The following TBC1D32 variants were observed in gnomAD, a reference collection of about 807,000 sequenced individuals.
TBC1D32 encodes the protein TBC1 domain family member 32, also known as protein broad-minded.
TBC1D32 carries 151 observed loss-of-function variants against 170.3 expected under a neutral mutation model. That is an observed-to-expected ratio of 0.89 (90% CI 0.78 to 1.01). The LOEUF (loss-of-function observed/expected upper bound fraction) is 1.01. Among genes scored for constraint, TBC1D32 ranks in the 50% least tolerant of loss-of-function variants. TBC1D32 has a pLI of 0.00. For synonymous variants in TBC1D32, 498 were observed against 488.0 expected (o/e 1.02, Z -0.27); for missense variants, 1,464 against 1,457.1 (o/e 1.00, Z -0.08).
At chr6:121,264,396 C>T (rs1046394466) in intron 15 of TBC1D32, among the ~76,000 whole-genome samples, 5 of 152,084 alleles carry the variant, frequency 3.3e-5, no homozygotes, top group Admixed American at 6.5e-5. Flanking sequence ...AGACCAATAA[C>T]AAGCTCTGAA....
intron 12 of TBC1D32, among the ~76,000 whole-genome samples, chr6:121,287,329 C>CA (rs1198041852): frequency 6.6e-6 from 1 of 151,282 alleles, no homozygotes; most frequent in Admixed American, 6.6e-5. Flanking sequence ...AAATGGAAAA[C>CA]AAAAAAAGGC....
At chr6:121,094,229 G>A (rs1777141184) in intron 30 of TBC1D32, among the ~76,000 whole-genome samples, 1 of 151,592 alleles carries the variant, frequency 6.6e-6, no homozygotes, top group Admixed American at 6.6e-5. Context: ...GTGCAGTGGT[G>A]CAATCTCAGC....
At chr6:121,107,722 T>C (rs12179300) in intron 29 of TBC1D32, among the ~76,000 whole-genome samples, 1,521 of 152,078 alleles carry the variant, frequency 0.01, 28 homozygotes, top group African/African-American at 0.035. Context: ...TTTTAGTTTT[T>C]CCATGCAAAC....
chr6:121,321,397 G>A lies in TBC1D32; in HGVS notation c.317+236C>T, dbSNP rs149926836. Among the ~76,000 whole-genome samples the A allele has an allele frequency of 3.2e-3, 486 of 152,264 alleles. 1 individual carries two copies. The highest frequency in any genetic ancestry group is 0.031 in the Middle Eastern group (9 of 294). ...GATAAGAAATGGGGTAGGAGAGGGAGCAAAAGGCCCATGGTAGGCCTCGTT... is the reference window on the plus strand; with the variant it reads ...GATAAGAAATGGGGTAGGAGAGGGAACAAAAGGCCCATGGTAGGCCTCGTT... On this transcript the variant is annotated intron_variant, in intron 2 of 31. Coordinates refer to ENST00000398212, the MANE Select transcript of TBC1D32 (RefSeq NM_152730.6).
chr6:121,254,362 G>T (rs1209923075), intron 17 of TBC1D32, among the ~76,000 whole-genome samples: 2 of 152,012 alleles, frequency 1.3e-5, no homozygotes, highest in African/African-American at 4.8e-5. Flanking sequence ...GTAACCAAAA[G>T]CACCTGTACC....
chr6:121,334,161 A>G (rs1288097321), intron 1 of TBC1D32, 115 bp downstream of exon 1: 1 of 795,264 alleles, frequency 1.3e-6, no homozygotes, highest in Non-Finnish European at 1.9e-6. Flanking sequence ...GAAAAAGTAA[A>G]CCTCCAAGTT....
At chr6:121,217,322 T>C (rs1478558794) in intron 21 of TBC1D32, among the ~76,000 whole-genome samples, 4 of 152,252 alleles carry the variant, frequency 2.6e-5, no homozygotes, top group African/African-American at 9.6e-5. Flanking sequence ...TTTTCTGTCC[T>C]ACCTCAGAAG....
intron 21 of TBC1D32, among the ~76,000 whole-genome samples, chr6:121,206,755 A>C (rs1245601554): frequency 6.6e-6 from 1 of 152,198 alleles, no homozygotes; most frequent in Non-Finnish European, 1.5e-5. Flanking sequence ...ATGAATAAAA[A>C]GACTATTATT....
At chr6:121,123,855 G>T (rs114125486) in intron 26 of TBC1D32, among the ~76,000 whole-genome samples, 228 of 149,370 alleles carry the variant, frequency 1.5e-3, no homozygotes, top group African/African-American at 5.4e-3. Context: ...ATTTTTTTTG[G>T]GTATCTATTA....
chr6:121,093,992 T>C (rs148833816), intron 30 of TBC1D32, among the ~76,000 whole-genome samples: 62 of 152,224 alleles, frequency 4.1e-4, no homozygotes, highest in African/African-American at 1.4e-3. Flanking sequence ...AAGTTTACAA[T>C]TAAAGGGGAG....
At chr6:121,319,089 A>G (rs1242979343) in intron 2 of TBC1D32, among the ~76,000 whole-genome samples, 1 of 150,386 alleles carries the variant, frequency 6.6e-6, no homozygotes, top group Non-Finnish European at 1.5e-5. Context: ...TTTAATATGT[A>G]TATCATACAG....
intron 12 of TBC1D32, among the ~76,000 whole-genome samples, chr6:121,289,927 G>T (rs778349875): frequency 3.3e-5 from 5 of 152,170 alleles, no homozygotes; most frequent in African/African-American, 1.2e-4. Flanking sequence ...AAATGGTGCT[G>T]GGAAAACTGG....
chr6:121,259,722 A>G (rs1468432195), intron 15 of TBC1D32, among the ~76,000 whole-genome samples: 1 of 152,200 alleles, frequency 6.6e-6, no homozygotes, highest in Non-Finnish European at 1.5e-5. Context: ...AAAACAGAAT[A>G]AACCTGATTC....
intron 17 of TBC1D32, among the ~76,000 whole-genome samples, chr6:121,254,528 A>T (rs1388035868): frequency 6.6e-6 from 1 of 152,214 alleles, no homozygotes; most frequent in Non-Finnish European, 1.5e-5. Flanking sequence ...TCATTGTGTG[A>T]CAACTATATT....
intron 22 of TBC1D32, chr6:121,170,479 C>A (rs1786818113): frequency 1.2e-6 from 2 of 1,607,612 alleles, no homozygotes; most frequent in Non-Finnish European, 1.7e-6. Context: ...GATACTGAGC[C>A]TCTAACAGGA....
chr6:121,137,501 C>T (rs1272102206), intron 24 of TBC1D32, among the ~76,000 whole-genome samples: 4 of 147,942 alleles, frequency 2.7e-5, no homozygotes, highest in Middle Eastern at 3.6e-3. Context: ...AAAACAACTA[C>T]TTTATTCTCT....
At chr6:121,211,648 T>C (rs1793076111) in intron 21 of TBC1D32, among the ~76,000 whole-genome samples, 1 of 152,198 alleles carries the variant, frequency 6.6e-6, no homozygotes, top group African/African-American at 2.4e-5. Flanking sequence ...CATTATTTCA[T>C]TCCTTTATTA....
intron 5 of TBC1D32, among the ~76,000 whole-genome samples, chr6:121,307,721 T>C (rs1415386689): frequency 6.6e-5 from 10 of 151,704 alleles, no homozygotes. Context: ...TTAGCCAGGC[T>C]TGGTGGTGGC....
At chr6:121,319,816 G>C (rs1809448561) in intron 2 of TBC1D32, among the ~76,000 whole-genome samples, 1 of 152,034 alleles carries the variant, frequency 6.6e-6, no homozygotes, top group Non-Finnish European at 1.5e-5. Flanking sequence ...TCAATATCAA[G>C]AGTTAAATGA....
Sources: gnomAD v4.1 joint callset for allele counts (sites outside exome capture counted in the v4.1 genomes callset) on GRCh38, gnomAD v4.1.1 for gene constraint, MANE v1.5 for transcripts, NCBI Gene and HGNC (gene_info 2026-07-23, HGNC 2026-07-21) for gene names.